Variants in RABEP2 observed in about 807,000 individuals in gnomAD.
RABEP2 encodes rab GTPase-binding effector protein 2.
A neutral mutation model predicts 74.1 loss-of-function variants in RABEP2; 57 were observed. That is an observed-to-expected ratio of 0.77 (90% CI 0.62 to 0.96). RABEP2 has a LOEUF of 0.96. Ranked by LOEUF, RABEP2 falls within the 40% of genes least tolerant of loss-of-function variation. The pLI is 0.00. For synonymous variants in RABEP2, 351 were observed against 344.0 expected (o/e 1.02, Z -0.23); for missense variants, 692 against 756.3 (o/e 0.91, Z 1.00).
At chr16:28,907,413 C>T (rs1567495277) in intron 8 of RABEP2, among the ~76,000 whole-genome samples, 1 of 152,118 alleles carries the variant, frequency 6.6e-6, no homozygotes, top group Non-Finnish European at 1.5e-5. Flanking sequence ...CTGCCTCAGG[C>T]TCCTAAGTAG....
intron 5 of RABEP2, among the ~76,000 whole-genome samples, chr16:28,912,495 C>T (rs1360017021): frequency 4.7e-5 from 7 of 149,510 alleles, no homozygotes; most frequent in Non-Finnish European, 4.4e-5. Context: ...ACTGCAGCAT[C>T]GACCTCCTGG....
chr16:28,924,953 G>C (rs1435247918), intron 1 of RABEP2, 150 bp downstream of exon 1: 3 of 984,960 alleles, frequency 3.0e-6, no homozygotes, highest in African/African-American at 3.3e-5. Context: ...GCCCCCTTTT[G>C]CCTGTGGCTG....
chr16:28,924,958 T>A, intron 1 of RABEP2, 145 bp downstream of exon 1: 2 of 1,020,504 alleles, frequency 2.0e-6, no homozygotes, highest in Non-Finnish European at 3.0e-6. Context: ...CTTTTGCCTG[T>A]GGCTGTAGGC....
intron 5 of RABEP2, 147 bp downstream of exon 5, chr16:28,914,089 C>A: frequency 1.5e-6 from 1 of 670,402 alleles, no homozygotes; most frequent in Non-Finnish European, 2.5e-6. Context: ...TGCATGTTTA[C>A]ATCTGCCTGC....
intron 5 of RABEP2, 64 bp from the exon 6 acceptor site, chr16:28,911,243 C>T (rs548574801): frequency 8.8e-6 from 13 of 1,478,222 alleles, no homozygotes; most frequent in South Asian, 4.7e-5. Context: ...CCACACTTCT[C>T]GTGGCCCACC....
Position 28,904,429 on chromosome 16 carries a change from G to T in RABEP2, c.*514C>A. ...GGGACAAGGCGACCGACTGCGCTGAGCTGCTTATTTATTGAAAATAAACGA... is the reference window on the plus strand; with the variant it reads ...GGGACAAGGCGACCGACTGCGCTGATCTGCTTATTTATTGAAAATAAACGA... On this transcript the variant is annotated 3_prime_UTR_variant, in exon 13 of 13. Transcript: ENST00000358201. The T allele has an allele frequency of 6.5e-7, 1 of 1,532,146 alleles. No individual in the cohort carries two copies. The allele number at this position is 1,532,146 out of a possible 1,614,324, so 94.9% of individuals were successfully genotyped here. A position where few individuals can be genotyped will look rare whatever the true frequency, so the allele number is the denominator to read the frequency against.
At position 28,919,984 on chromosome 16, in the gene RABEP2, T is replaced by G. The variant is rs537295409; in HGVS notation, c.275-41A>C. On this transcript the variant is annotated intron_variant, in intron 2 of 12. Coordinates refer to ENST00000358201, the MANE Select transcript of RABEP2 (RefSeq NM_024816.3). ...GAGGGTGGGAGAGAGGGAGGGTCAA[T>G]GAGCCAGCCCTGCCTGTGGGCGAGC... 2.6e-6 allele frequency: 4 copies of G among 1,537,638 alleles called. No individual in the cohort carries two copies. The Admixed American group carries it at 7.4e-5, about 28-fold the overall frequency.
rs191434066 is a variant in RABEP2, at chr16:28,908,091, C to T, written c.1245+518G>A. 2.5e-4 allele frequency among the ~76,000 whole-genome samples: 38 copies of T among 152,294 alleles called. No individual in the cohort carries two copies. In the East Asian group the frequency reaches 4.8e-3, roughly 19 times the overall value. On this transcript the variant is annotated intron_variant, in intron 8 of 12. Transcript: ENST00000358201. ...CTGGGATTACAGGCGTGAGCCACCGCGCCTAGCCCTGACTAATTTTTTTGT... is the reference window on the plus strand; with the variant it reads ...CTGGGATTACAGGCGTGAGCCACCGTGCCTAGCCCTGACTAATTTTTTTGT...
At chr16:28,910,861 C>T in intron 7 of RABEP2, 27 bp downstream of exon 7, 1 of 1,587,888 alleles carries the variant, frequency 6.3e-7, no homozygotes. Context: ...TCCTCGCCCT[C>T]CTGCCCTAGG....
Sources: gnomAD v4.1 joint callset for allele counts (sites outside exome capture counted in the v4.1 genomes callset) on GRCh38, gnomAD v4.1.1 for gene constraint, MANE v1.5 for transcripts, NCBI Gene and HGNC (gene_info 2026-07-23, HGNC 2026-07-21) for gene names.